The following CCDC66 variants were observed in gnomAD, a reference collection of about 807,000 sequenced individuals.
The protein encoded by CCDC66 is coiled-coil domain containing 66, also known as coiled-coil domain-containing protein 66.
A neutral mutation model predicts 128.3 loss-of-function variants in CCDC66; 133 were observed. The observed-to-expected ratio is 1.04, with a 90% CI of 0.90 to 1.20. The LOEUF (loss-of-function observed/expected upper bound fraction) is 1.20, where lower values mean the gene tolerates loss of function less well. CCDC66 is among the 50% of genes most tolerant of loss of function. The probability of loss-of-function intolerance (pLI) is 0.00; values close to 1 mark genes in which losing one functional copy is unlikely to be tolerated. For synonymous variants in CCDC66, 387 were observed against 357.0 expected, an observed-to-expected ratio of 1.08 and a Z score of -0.95; for missense variants, 1,126 against 1,075.5, an observed-to-expected ratio of 1.05 and a Z score of -0.66.
At chr3:56,572,084 C>G (rs908241807) in intron 7 of CCDC66, among the ~76,000 whole-genome samples, 1 of 152,114 alleles carries the variant, frequency 6.6e-6, no homozygotes, top group Admixed American at 6.6e-5. Context: ...TCTCTATTTA[C>G]ATTCTGTGAG....
chr3:56,614,061 G>A (rs983649435), intron 11 of CCDC66, among the ~76,000 whole-genome samples: 3 of 152,076 alleles, frequency 2.0e-5, no homozygotes, highest in Admixed American at 1.3e-4. Flanking sequence ...CCTCCTAATT[G>A]TAACATTTTA....
chr3:56,576,061 A>G lies in CCDC66; in HGVS notation c.936+4759A>G, dbSNP rs954400305. On this transcript the variant is annotated intron_variant, in intron 7 of 17. Coordinates refer to ENST00000394672, the MANE Select transcript of CCDC66 (RefSeq NM_001141947.3). ...AGGATGGATTTTTCTATTTCTGCAA[A>G]AAAAAAAGATTATTGATATTTTCAT... Among the ~76,000 whole-genome samples the G allele has an allele frequency of 5.3e-5, 8 of 151,578 alleles. No individual in the cohort carries two copies. The Admixed American group carries it at 5.3e-4, about 10-fold the overall frequency.
At chr3:56,602,793 G>C (rs1402182560) in intron 10 of CCDC66, among the ~76,000 whole-genome samples, 1 of 150,092 alleles carries the variant, frequency 6.7e-6, no homozygotes, top group Non-Finnish European at 1.5e-5. Flanking sequence ...TTTGATGGTA[G>C]TTTGTATTTC....
rs115144136 is a variant in CCDC66 at position 56,579,833 on chromosome 3, G to A, written c.936+8531G>A. ...TGAGGAGTGCTTTACTTCCAGCTTC[G>A]TGGTCAATTTTGGAATAAGTGTGAT... is the stretch of plus-strand genomic sequence containing the variant. On this transcript the variant is annotated intron_variant, in intron 7 of 17. Transcript: ENST00000394672. Among the ~76,000 whole-genome samples, 761 of 151,938 alleles carry A rather than the reference G, an allele frequency of 5.0e-3. 9 individuals are homozygous for A. Among genetic ancestry groups the A allele is most frequent in the Middle Eastern group, 6.8e-3 (2 of 292 alleles).
rs577002026 is a variant in CCDC66, at chr3:56,621,682, G to A, written c.*64G>A. On this transcript the variant is annotated 3_prime_UTR_variant, in exon 18 of 18. Coordinates refer to ENST00000394672, the MANE Select transcript of CCDC66 (RefSeq NM_001141947.3). ...TCCAAATTATAAAATGTGCTCACTG[G>A]CTCAACTGTATTTTTCAAATAGCCT... 4.6e-5 allele frequency: 52 copies of A among 1,123,690 alleles called. No homozygotes were observed. In the South Asian group the frequency reaches 6.8e-4, roughly 15 times the overall value. The allele number at this position is 1,123,690 out of a possible 1,614,324, so 69.6% of individuals were successfully genotyped here. A position where few individuals can be genotyped will look rare whatever the true frequency, so the allele number is the denominator to read the frequency against.
chr3:56,618,325 G>A (rs2075796967), intron 15 of CCDC66, 113 bp downstream of exon 15: 1 of 967,322 alleles, frequency 1.0e-6, no homozygotes, highest in African/African-American at 1.6e-5. Flanking sequence ...CAATCAGAAA[G>A]GGTGTGGCTT....
At chr3:56,569,495 C>T (rs1398065836) in intron 6 of CCDC66, 1 of 159,534 alleles carries the variant, frequency 6.3e-6, no homozygotes, top group Non-Finnish European at 1.4e-5. Flanking sequence ...AAGCATCATC[C>T]CAAGGGGATG....
intron 7 of CCDC66, among the ~76,000 whole-genome samples, chr3:56,585,889 T>C (rs1414340699): frequency 6.6e-6 from 1 of 151,942 alleles, no homozygotes; most frequent in Non-Finnish European, 1.5e-5. Context: ...TAAAACAATT[T>C]ACAAGAATTT....
intron 7 of CCDC66, among the ~76,000 whole-genome samples, chr3:56,576,131 T>C (rs911000262): frequency 5.3e-5 from 8 of 151,728 alleles, no homozygotes; most frequent in African/African-American, 1.9e-4. Context: ...AATATTAATA[T>C]CTCAATAATA....
chr3:56,558,872 T>G lies in CCDC66; in HGVS notation c.38T>G (p.Leu13Ter). 6.5e-7 allele frequency: 1 copy of G among 1,549,766 alleles called. No homozygotes were observed. Among genetic ancestry groups the G allele is most frequent in the Non-Finnish European group, 8.7e-7 (1 of 1,145,756 alleles). Reference sequence around the variant, plus strand: ...GATGGTTTAAAGCTTGAAACTGAATTACTGGATGGAAAAACCAAGCTAATA... The same window carrying G: ...GATGGTTTAAAGCTTGAAACTGAATGACTGGATGGAAAAACCAAGCTAATA... ...LGDGLKLETE[L>*]LDGKTKLILS... The change falls in exon 2 of 18, where the codon TTA becomes TGA. Residue 13 changes from leucine to a stop codon, truncating the protein, a stop_gained. Transcript: ENST00000394672. LOFTEE classifies it high-confidence loss of function.
chr3:56,586,033 C>T (rs560307867), intron 7 of CCDC66, among the ~76,000 whole-genome samples: 2 of 151,954 alleles, frequency 1.3e-5, no homozygotes, highest in African/African-American at 4.8e-5. Context: ...CATAAACACA[C>T]AAACACACAC....
intron 15 of CCDC66, chr3:56,618,558 G>T: frequency 4.4e-6 from 1 of 226,832 alleles, no homozygotes. Context: ...GACTGATAAG[G>T]ACAATGAGAA....
At chr3:56,615,865 A>C in intron 12 of CCDC66, 57 bp from the exon 13 acceptor site, 1 of 1,446,662 alleles carries the variant, frequency 6.9e-7, no homozygotes, top group Non-Finnish European at 9.4e-7. Flanking sequence ...GCTGCTATAC[A>C]TAATTTTTAT....
intron 6 of CCDC66, among the ~76,000 whole-genome samples, chr3:56,567,417 T>G (rs1250809006): frequency 6.6e-6 from 1 of 152,102 alleles, no homozygotes; most frequent in Non-Finnish European, 1.5e-5. Context: ...GAATATGTAT[T>G]GAGGATGAAG....
At chr3:56,572,225 T>G in intron 7 of CCDC66, 1 of 494,952 alleles carries the variant, frequency 2.0e-6, no homozygotes, top group South Asian at 1.7e-5. Flanking sequence ...TATACACATA[T>G]GCCAAGTGTG....
At chr3:56,584,472 G>A (rs2069195834) in intron 7 of CCDC66, among the ~76,000 whole-genome samples, 1 of 151,078 alleles carries the variant, frequency 6.6e-6, no homozygotes, top group African/African-American at 2.4e-5. Flanking sequence ...GCCAGGCAGA[G>A]GTGCTCCTCA....
intron 7 of CCDC66, among the ~76,000 whole-genome samples, chr3:56,584,020 G>GC (rs1189513767): frequency 8.1e-5 from 10 of 123,246 alleles, no homozygotes; most frequent in African/African-American, 3.1e-4. Flanking sequence ...GCGGGGGGCT[G>GC]CCCCCCACCT....
chr3:56,604,176 G>A (rs761236076), intron 10 of CCDC66, among the ~76,000 whole-genome samples: 37 of 152,064 alleles, frequency 2.4e-4, no homozygotes, highest in African/African-American at 3.1e-4. Flanking sequence ...GTGTCTCTGC[G>A]TGTGAGATGG....
At chr3:56,561,896 C>G (rs1476748619) in intron 3 of CCDC66, among the ~76,000 whole-genome samples, 2 of 151,710 alleles carry the variant, frequency 1.3e-5, no homozygotes, top group Admixed American at 1.3e-4. Flanking sequence ...TTTTTTTTTC[C>G]CCCATTTCCC....
Sources: allele counts gnomAD v4.1 joint callset (sites outside exome capture counted in the v4.1 genomes callset), GRCh38; gene constraint gnomAD v4.1.1; transcripts MANE v1.5; gene names NCBI Gene and HGNC (gene_info 2026-07-23, HGNC 2026-07-21).